The following SOX5 variants were observed in gnomAD, a reference collection of about 807,000 sequenced individuals.
SOX5 encodes the protein transcription factor SOX-5.
Under a neutral mutation model 92.0 loss-of-function variants are expected in SOX5, and 9 were observed. That is an observed-to-expected ratio of 0.10 (90% CI 0.06 to 0.17). The LOEUF (loss-of-function observed/expected upper bound fraction) is 0.17, where lower values mean the gene tolerates loss of function less well. SOX5 is among the 10% of genes least tolerant of loss of function. The pLI, the probability that SOX5 is intolerant of heterozygous loss-of-function variation, is 1.00. For synonymous variants in SOX5, 344 were observed against 336.3 expected (o/e 1.02, Z -0.25); for missense variants, 642 against 944.5 (o/e 0.68, Z 4.20).
chr12:23,887,676 A>G (rs1454904166), intron 2 of SOX5, among the ~76,000 whole-genome samples: 2 of 152,184 alleles, frequency 1.3e-5, no homozygotes, highest in Admixed American at 6.6e-5. Flanking sequence ...TGAAACTTCA[A>G]TATCTAAAGT....
chr12:24,343,656 A>C (rs1327568679), intron 2 of SOX5, among the ~76,000 whole-genome samples: 1 of 152,056 alleles, frequency 6.6e-6, no homozygotes, highest in Non-Finnish European at 1.5e-5. Flanking sequence ...TATATCCCCA[A>C]TCCCAAGGAC....
intron 3 of SOX5, among the ~76,000 whole-genome samples, chr12:23,838,460 C>G (rs955761450): frequency 6.6e-6 from 1 of 151,782 alleles, no homozygotes; most frequent in Non-Finnish European, 1.5e-5. Context: ...GTCAAAGAAT[C>G]TTGTGTATGT....
intron 4 of SOX5, among the ~76,000 whole-genome samples, chr12:24,056,819 CA>C (rs551284189): frequency 0.022 from 3,265 of 148,776 alleles, 129 homozygotes; most frequent in African/African-American, 0.077. Context: ...ACTAAAAATA[CA>C]AAAAATTAGC....
At position 24,259,800 on chromosome 12, in the gene SOX5, C is replaced by T. The variant is rs148401899; in HGVS notation, c.-77+17416G>A. ...AAAAGAATTTCTATAGTCGGTGGGA[C>T]GTTGAAACAGCCTAAATACTGTTAG... On this transcript the variant is annotated intron_variant, in intron 3 of 4. Coordinates refer to the SOX5 transcript ENST00000446891. Among the ~76,000 whole-genome samples the T allele has an allele frequency of 6.2e-3, 941 of 152,200 alleles. 2 individuals are homozygous for T. Among genetic ancestry groups the T allele is most frequent in the Non-Finnish European group, 0.01 (703 of 68,014 alleles).
chr12:23,800,275 T>C (rs1454782576), intron 3 of SOX5, among the ~76,000 whole-genome samples: 1 of 152,182 alleles, frequency 6.6e-6, no homozygotes, highest in Non-Finnish European at 1.5e-5. Flanking sequence ...ATTAACAAAA[T>C]GTCAATGAGA....
intron 1 of SOX5, among the ~76,000 whole-genome samples, chr12:24,532,485 A>T (rs181352337): frequency 2.0e-5 from 3 of 152,344 alleles, no homozygotes; most frequent in African/African-American, 7.2e-5. Flanking sequence ...AAGAACGTGG[A>T]CACAGACCCA....
chr12:24,320,396 T>C (rs1799540097), intron 2 of SOX5, among the ~76,000 whole-genome samples: 1 of 152,216 alleles, frequency 6.6e-6, no homozygotes. Context: ...TGTAACGATG[T>C]CACACTAAAT....
At position 23,531,301 on chromosome 12, in the gene SOX5, C is replaced by T. The variant is rs1360212351; in HGVS notation, c.*2918G>A. The T allele has an allele frequency of 6.6e-6, 1 of 152,100 alleles. No individual in the cohort carries two copies. Among genetic ancestry groups the T allele is most frequent in the Non-Finnish European group, 1.5e-5 (1 of 68,022 alleles). The allele number at this position is 152,100 out of a possible 1,614,324, so 9.4% of individuals were successfully genotyped here. A position where few individuals can be genotyped will look rare whatever the true frequency, so the allele number is the denominator to read the frequency against. ...ACTAAAATCAAATTTTGAATTTCAG[C>T]AGTTAAAAGTCACCATTAACAATTT... On this transcript the variant is annotated 3_prime_UTR_variant, in exon 15 of 15. Coordinates refer to ENST00000451604, the MANE Select transcript of SOX5 (RefSeq NM_006940.6).
At chr12:24,021,626 T>C (rs1341374551) in intron 4 of SOX5, among the ~76,000 whole-genome samples, 1 of 152,286 alleles carries the variant, frequency 6.6e-6, no homozygotes, top group South Asian at 2.1e-4. Flanking sequence ...GATTTTAATA[T>C]AAGAATTCCA....
At chr12:24,021,772 A>C (rs1156287583) in intron 4 of SOX5, among the ~76,000 whole-genome samples, 1 of 152,146 alleles carries the variant, frequency 6.6e-6, no homozygotes, top group Non-Finnish European at 1.5e-5. Flanking sequence ...ATCGTGGATT[A>C]TCAGAATTCG....
At chr12:23,624,654 C>T (rs1172887537) in intron 8 of SOX5, among the ~76,000 whole-genome samples, 2 of 152,138 alleles carry the variant, frequency 1.3e-5, no homozygotes, top group African/African-American at 4.8e-5. Context: ...CAGGCTTAGA[C>T]TTTCTGAGGA....
At chr12:23,626,386 C>T (rs1261081618) in intron 8 of SOX5, among the ~76,000 whole-genome samples, 1 of 152,116 alleles carries the variant, frequency 6.6e-6, no homozygotes, top group African/African-American at 2.4e-5. Flanking sequence ...CTTGGGTTAT[C>T]TAGCCCTGGT....
intron 1 of SOX5, among the ~76,000 whole-genome samples, chr12:24,416,155 G>A (rs919560922): frequency 6.6e-6 from 1 of 152,190 alleles, no homozygotes; most frequent in Non-Finnish European, 1.5e-5. Flanking sequence ...GCAAGAGCGG[G>A]GCAGGCCAGG....
chr12:24,122,371 C>T (rs906161645), intron 4 of SOX5, among the ~76,000 whole-genome samples: 5 of 152,114 alleles, frequency 3.3e-5, no homozygotes, highest in African/African-American at 1.2e-4. Flanking sequence ...CTGGAACGAC[C>T]AAGGAATTTG....
At chr12:23,950,914 T>A, upstream of SOX5, 1 of 1,533,346 alleles carries the variant, frequency 6.5e-7, no homozygotes, top group Non-Finnish European at 8.7e-7. Context: ...CACCGCAGCA[T>A]CTGGTCAGGG....
intron 2 of SOX5, among the ~76,000 whole-genome samples, chr12:24,367,473 C>A (rs978863795): frequency 6.6e-6 from 1 of 152,102 alleles, no homozygotes; most frequent in South Asian, 2.1e-4. Flanking sequence ...ACATGGGCAT[C>A]AGCATGGGAA....
chr12:24,085,717 T>C (rs1451690814), intron 4 of SOX5, among the ~76,000 whole-genome samples: 9 of 151,888 alleles, frequency 5.9e-5, no homozygotes, highest in Non-Finnish European at 1.3e-4. Context: ...TATAACAAAA[T>C]GAAATTTGTT....
chr12:23,719,670 T>G (rs1397006953), intron 6 of SOX5, among the ~76,000 whole-genome samples: 1 of 151,412 alleles, frequency 6.6e-6, no homozygotes, highest in Non-Finnish European at 1.5e-5. Flanking sequence ...GGTGGGACAA[T>G]TGCTTGAGCC....
At chr12:23,534,616 A>G in intron 14 of SOX5, 94 bp from the exon 15 acceptor site, 2 of 946,492 alleles carry the variant, frequency 2.1e-6, no homozygotes, top group Non-Finnish European at 3.1e-6. Context: ...GCAATGTCCA[A>G]TTCTAAGGTA....
Sources: gnomAD v4.1 joint callset for allele counts (sites outside exome capture counted in the v4.1 genomes callset) on GRCh38, gnomAD v4.1.1 for gene constraint, MANE v1.5 for transcripts, NCBI Gene and HGNC (gene_info 2026-07-23, HGNC 2026-07-21) for gene names.